PTPRT: variants seen among roughly 807,000 people sequenced by gnomAD.
PTPRT encodes the protein protein tyrosine phosphatase receptor type T.
A neutral mutation model predicts 176.8 loss-of-function variants in PTPRT; 56 were observed. That is an observed-to-expected ratio of 0.32 (90% CI 0.26 to 0.40). The LOEUF (loss-of-function observed/expected upper bound fraction) is 0.40, where lower values mean the gene tolerates loss of function less well. Ranked by LOEUF, PTPRT falls within the 10% of genes least tolerant of loss-of-function variation. The pLI is 1.00. For synonymous variants in PTPRT, 783 were observed against 739.0 expected, an observed-to-expected ratio of 1.06 and a Z score of -0.96; for missense variants, 1,540 against 1,908.2, an observed-to-expected ratio of 0.81 and a Z score of 3.60.
intron 7 of PTPRT, among the ~76,000 whole-genome samples, chr20:42,612,078 T>G (rs2073984856): frequency 6.6e-6 from 1 of 152,144 alleles, no homozygotes; most frequent in Non-Finnish European, 1.5e-5. Context: ...GGTCAGCACC[T>G]GCTGGACCCA....
At chr20:42,937,837 G>A (rs1194433058) in intron 1 of PTPRT, among the ~76,000 whole-genome samples, 1 of 152,172 alleles carries the variant, frequency 6.6e-6, no homozygotes, top group African/African-American at 2.4e-5. Flanking sequence ...GAATGAATGG[G>A]AAAACTCTTG....
intron 6 of PTPRT, among the ~76,000 whole-genome samples, chr20:42,709,190 T>C (rs754914771): frequency 1.3e-5 from 2 of 152,220 alleles, no homozygotes; most frequent in Admixed American, 6.5e-5. Context: ...CTCTTTGTCA[T>C]AGTCACCAGC....
At chr20:42,789,060 G>GTA (rs1368654261) in intron 3 of PTPRT, among the ~76,000 whole-genome samples, 1 of 152,178 alleles carries the variant, frequency 6.6e-6, no homozygotes, top group East Asian at 1.9e-4. Flanking sequence ...AACAACTTGT[G>GTA]TATATGTATC....
At chr20:42,603,416 G>A (rs183055171) in intron 7 of PTPRT, among the ~76,000 whole-genome samples, 126 of 152,240 alleles carry the variant, frequency 8.3e-4, no homozygotes, top group Non-Finnish European at 1.3e-3. Flanking sequence ...AGTGCAAAAC[G>A]CAAACAGGCA....
At position 42,161,325 on chromosome 20, in the gene PTPRT, AAGTTTCCCCAC is replaced by A; in HGVS notation, c.2682+16_2682+26del. ...CAAATAAGCCTCTGAAACTATCAGG[AAGTTTCCCCAC>A]AGGCTGGTCTCTTACCTCGTATTCC... On this transcript the variant is annotated intron_variant, in intron 17 of 30. Coordinates refer to ENST00000373187, the MANE Select transcript of PTPRT (RefSeq NM_007050.6). 6.2e-7 allele frequency: 1 copy of A among 1,612,470 alleles called. No homozygotes were observed. The highest frequency in any genetic ancestry group is 8.5e-7 in the Non-Finnish European group (1 of 1,178,608).
Position 42,102,247 on chromosome 20 carries a change from C to A in PTPRT, c.3591G>T (p.Gly1197=), listed in dbSNP as rs1393758067. The A allele has an allele frequency of 1.2e-6, 2 of 1,614,156 alleles. No individual in the cohort carries two copies. Among genetic ancestry groups the A allele is most frequent in the Non-Finnish European group, 1.7e-6 (2 of 1,180,036 alleles). ...PRVRPEDCSI[G]LLPRNHDKNR... is the part of the protein sequence containing the mutation. ...TCTTATCATGGTTCCGGGGCAGGAG[C>A]CCAATGCTGCAGTCCTCGGGCCGCA... is the stretch of plus-strand genomic sequence containing the variant. Residue 1197 remains glycine (G), a synonymous_variant, in exon 26 of 31, where the codon GGG becomes GGT. Transcript: ENST00000373187.
At chr20:42,058,768 C>T in the PTPRT span, among the ~76,000 whole-genome samples, 4 of 152,178 alleles carry the variant, frequency 2.6e-5, no homozygotes, top group Admixed American at 2.6e-4. Context: ...CTTCTAACTG[C>T]AGGAGGCTGG....
At chr20:42,102,385 T>G in intron 25 of PTPRT, 88 bp from the exon 26 acceptor site, 1 of 1,405,982 alleles carries the variant, frequency 7.1e-7, no homozygotes, top group African/African-American at 1.4e-5. Context: ...TCAGCCTAAC[T>G]CGCCTATTTC....
chr20:43,130,249 T>C (rs1423639830), intron 1 of PTPRT, among the ~76,000 whole-genome samples: 3 of 152,146 alleles, frequency 2.0e-5, no homozygotes, highest in African/African-American at 7.2e-5. Context: ...TTTATTGAGA[T>C]GGAAGGAGGC....
intron 13 of PTPRT, among the ~76,000 whole-genome samples, chr20:42,275,132 C>T (rs919478464): frequency 2.0e-5 from 3 of 152,240 alleles, no homozygotes; most frequent in Non-Finnish European, 1.5e-5. Flanking sequence ...TCTGTCATCA[C>T]ACTGAAACCT....
At chr20:42,482,534 C>T (rs2071404909) in intron 7 of PTPRT, among the ~76,000 whole-genome samples, 1 of 152,158 alleles carries the variant, frequency 6.6e-6, no homozygotes, top group African/African-American at 2.4e-5. Context: ...ACCAAACAGG[C>T]AAAAACCCTC....
intron 1 of PTPRT, among the ~76,000 whole-genome samples, chr20:43,182,394 CTT>C (rs780419199): frequency 6.8e-6 from 1 of 146,496 alleles, no homozygotes; most frequent in Non-Finnish European, 1.5e-5. Flanking sequence ...CATCTTCCTT[CTT>C]TTTTTTTTTT....
chr20:42,770,965 C>G (rs946494627), intron 5 of PTPRT, among the ~76,000 whole-genome samples: 1 of 152,196 alleles, frequency 6.6e-6, no homozygotes, highest in Non-Finnish European at 1.5e-5. Flanking sequence ...ATCAGAGGAA[C>G]AGAAGTACTT....
At chr20:43,154,326 C>A (rs1022751583) in intron 1 of PTPRT, among the ~76,000 whole-genome samples, 1 of 152,184 alleles carries the variant, frequency 6.6e-6, no homozygotes, top group Non-Finnish European at 1.5e-5. Flanking sequence ...AATCCATTGG[C>A]TGTAAATGCA....
intron 7 of PTPRT, among the ~76,000 whole-genome samples, chr20:42,532,321 T>C (rs959326979): frequency 2.6e-5 from 4 of 152,174 alleles, no homozygotes; most frequent in Admixed American, 6.5e-5. Context: ...CAAAGTGGGA[T>C]GTCAGTGCAT....
intron 7 of PTPRT, among the ~76,000 whole-genome samples, chr20:42,618,339 C>A (rs1371070082): frequency 7.4e-6 from 1 of 134,940 alleles, no homozygotes; most frequent in African/African-American, 3.3e-5. Context: ...TTTACATTTG[C>A]TGAGGAGTGC....
intron 1 of PTPRT, among the ~76,000 whole-genome samples, chr20:43,066,805 C>A (rs1317531300): frequency 6.6e-6 from 1 of 152,224 alleles, no homozygotes. Context: ...TGGGTCAAAT[C>A]TAACCCACCC....
At chr20:43,040,552 C>A (rs1986562842) in intron 1 of PTPRT, among the ~76,000 whole-genome samples, 1 of 152,214 alleles carries the variant, frequency 6.6e-6, no homozygotes, top group Non-Finnish European at 1.5e-5. Context: ...CATACCCGCA[C>A]CCCCTCACAA....
At chr20:42,804,854 A>G (rs1390086229) in intron 2 of PTPRT, among the ~76,000 whole-genome samples, 1 of 152,126 alleles carries the variant, frequency 6.6e-6, no homozygotes, top group Non-Finnish European at 1.5e-5. Flanking sequence ...GTTAAGGAAA[A>G]AACACCAGTC....
Sources: gnomAD v4.1 joint callset for allele counts (sites outside exome capture counted in the v4.1 genomes callset) on GRCh38, gnomAD v4.1.1 for gene constraint, MANE v1.5 for transcripts, NCBI Gene and HGNC (gene_info 2026-07-23, HGNC 2026-07-21) for gene names.